Variants in DNAJB6 observed in about 807,000 individuals in gnomAD.
DNAJB6 encodes DnaJ heat shock protein family (Hsp40) member B6.
A neutral mutation model predicts 42.7 loss-of-function variants in DNAJB6; 16 were observed. The observed-to-expected ratio is 0.37, with a 90% CI of 0.25 to 0.57. The LOEUF (loss-of-function observed/expected upper bound fraction) is 0.57. Among genes scored for constraint, DNAJB6 ranks in the 20% least tolerant of loss-of-function variants. The pLI, the probability that DNAJB6 is intolerant of heterozygous loss-of-function variation, is 0.74. For missense variants in DNAJB6, 347 were observed against 416.8 expected, an observed-to-expected ratio of 0.83 and a Z score of 1.46; for synonymous variants, 170 against 163.5, an observed-to-expected ratio of 1.04 and a Z score of -0.30.
chr7:157,353,506 C>T lies in DNAJB6; in HGVS notation c.-26-5041C>T, dbSNP rs547156517. Among the ~76,000 whole-genome samples, 10 of 151,856 alleles carry T rather than the reference C, an allele frequency of 6.6e-5. No individual in the cohort carries two copies. In the South Asian group the frequency reaches 1.2e-3, roughly 19 times the overall value. The stretch of plus-strand genomic sequence containing the variant: ...AATGTCCTTTTCCTGTTCTAGAAAC[C>T]ATCCGAGGAACCCAGATTGTATTTA... On this transcript the variant is annotated intron_variant, in intron 1 of 9. Coordinates refer to ENST00000262177, the MANE Select transcript of DNAJB6 (RefSeq NM_058246.4).
In DNAJB6 at chr7:157,416,101, C is replaced by T. The variant is rs140445215; in HGVS notation, c.*3C>T. On this transcript the variant is annotated 3_prime_UTR_variant, in exon 10 of 10. Transcript: ENST00000262177. ...AGTCGACCAAAGGCAATCACTAGACCGGACTTGAGGCACGCGGTGCACCCC... is the reference window on the plus strand; with the variant it reads ...AGTCGACCAAAGGCAATCACTAGACTGGACTTGAGGCACGCGGTGCACCCC... 2.1e-4 allele frequency: 345 copies of T among 1,613,138 alleles called. No individual in the cohort carries two copies. In the Middle Eastern group the frequency reaches 2.6e-3, roughly 12 times the overall value.
chr7:157,371,993 A>C (rs1403154832), intron 5 of DNAJB6, among the ~76,000 whole-genome samples: 1 of 152,270 alleles, frequency 6.6e-6, no homozygotes, highest in Admixed American at 6.5e-5. Flanking sequence ...TGTGGTACGA[A>C]TGATGCTCTG....
At chr7:157,375,700 C>T (rs1340906756) in intron 5 of DNAJB6, among the ~76,000 whole-genome samples, 1 of 152,174 alleles carries the variant, frequency 6.6e-6, no homozygotes, top group Non-Finnish European at 1.5e-5. Context: ...TTCCAGATTC[C>T]TAACAGTTAG....
At chr7:157,410,393 C>A in intron 9 of DNAJB6, 1 of 374,562 alleles carries the variant, frequency 2.7e-6, no homozygotes, top group Non-Finnish European at 4.7e-6. Context: ...TTTGCCCCTG[C>A]CCCTCCGTCA....
intron 8 of DNAJB6, among the ~76,000 whole-genome samples, chr7:157,397,001 G>A (rs1275350413): frequency 6.6e-6 from 1 of 152,182 alleles, no homozygotes; most frequent in Non-Finnish European, 1.5e-5. Context: ...CTCACTCCAG[G>A]TCCTCCTGGA....
chr7:157,384,584 C>T (rs534445006), intron 6 of DNAJB6, among the ~76,000 whole-genome samples: 6 of 152,282 alleles, frequency 3.9e-5, no homozygotes, highest in South Asian at 4.1e-4. Context: ...TTTGGCATGT[C>T]AGAAAAGCTG....
At chr7:157,403,264 C>G (rs10273478) in intron 8 of DNAJB6, among the ~76,000 whole-genome samples, 40,046 of 152,000 alleles carry the variant, frequency 0.26, 5,520 homozygotes, top group South Asian at 0.43. Context: ...AGTGAGACAA[C>G]AGGGCAGAGG....
intron 8 of DNAJB6, among the ~76,000 whole-genome samples, chr7:157,386,914 C>T (rs1801091985): frequency 6.6e-6 from 1 of 151,596 alleles, no homozygotes; most frequent in Admixed American, 6.6e-5. Context: ...TTGGGACAGT[C>T]AAGGTCTTTT....
At chr7:157,403,720 T>A (rs970824348) in intron 8 of DNAJB6, among the ~76,000 whole-genome samples, 7 of 152,220 alleles carry the variant, frequency 4.6e-5, no homozygotes, top group African/African-American at 1.7e-4. Context: ...AGCTGAGTGA[T>A]TTTGGGGTCC....
chr7:157,395,776 C>T (rs1189451027), intron 8 of DNAJB6, among the ~76,000 whole-genome samples: 4 of 150,680 alleles, frequency 2.7e-5, no homozygotes, highest in African/African-American at 9.8e-5. Context: ...CCTCTGCCTC[C>T]CTAGTAGCTG....
At chr7:157,367,200 C>T (rs1799887085) in intron 4 of DNAJB6, among the ~76,000 whole-genome samples, 173 bp from the exon 5 acceptor site, 2 of 152,214 alleles carry the variant, frequency 1.3e-5, no homozygotes, top group Admixed American at 1.3e-4. Flanking sequence ...GCGCTGGGCA[C>T]ACTCACTCTC....
intron 1 of DNAJB6, among the ~76,000 whole-genome samples, chr7:157,354,157 AC>A (rs1377598131): frequency 6.6e-6 from 1 of 151,620 alleles, no homozygotes; most frequent in Non-Finnish European, 1.5e-5. Flanking sequence ...GTTTTTTTCG[AC>A]TTTTTTGAGA....
rs573383122 is a variant in DNAJB6 at position 157,337,017 on chromosome 7, G to C, written c.-154G>C. On this transcript the variant is annotated 5_prime_UTR_variant, in exon 1 of 10. Coordinates refer to ENST00000262177, the MANE Select transcript of DNAJB6 (RefSeq NM_058246.4). ...GTGACGCATTTCCTGTTTGTTGTTG[G>C]AGAAAGGAGAGAAAGGAAAGCGCGA... 6.6e-6 allele frequency: 1 copy of C among 150,806 alleles called. No individual in the cohort carries two copies. The highest frequency in any genetic ancestry group is 1.5e-5 in the Non-Finnish European group (1 of 67,040). The allele number at this position is 150,806 out of a possible 1,614,324, so 9.3% of individuals were successfully genotyped here. A position where few individuals can be genotyped will look rare whatever the true frequency, so the allele number is the denominator to read the frequency against.
chr7:157,357,166 A>C (rs1446781052), intron 1 of DNAJB6, among the ~76,000 whole-genome samples: 4 of 149,010 alleles, frequency 2.7e-5, no homozygotes, highest in Non-Finnish European at 4.5e-5. Context: ...AAAAACCAAG[A>C]GTTGAAGTTT....
intron 8 of DNAJB6, among the ~76,000 whole-genome samples, chr7:157,401,681 G>A (rs1462129428): frequency 6.6e-6 from 1 of 152,240 alleles, no homozygotes; most frequent in Non-Finnish European, 1.5e-5. Flanking sequence ...GTAAAAATGT[G>A]TCAAGGTGGG....
At chr7:157,343,157 A>G (rs1299483467) in intron 1 of DNAJB6, among the ~76,000 whole-genome samples, 1 of 102,332 alleles carries the variant, frequency 9.8e-6, no homozygotes, top group African/African-American at 4.9e-5. Flanking sequence ...CACCACACCC[A>G]GGTAATTTTT....
intron 5 of DNAJB6, chr7:157,368,459 C>G (rs897791891): frequency 1.3e-5 from 2 of 152,248 alleles, no homozygotes; most frequent in African/African-American, 4.8e-5. Context: ...AAAGGCACCT[C>G]TAGAGCAAGA....
chr7:157,337,835 C>T (rs1034893015), intron 1 of DNAJB6: 2 of 152,262 alleles, frequency 1.3e-5, no homozygotes, highest in Non-Finnish European at 2.9e-5. Context: ...GCAGTGTAAA[C>T]TGCAAATCAT....
At chr7:157,367,153 G>A (rs539368427) in intron 4 of DNAJB6, among the ~76,000 whole-genome samples, 10 of 152,354 alleles carry the variant, frequency 6.6e-5, no homozygotes, top group Middle Eastern at 3.4e-3. Flanking sequence ...GTGAAAAGTA[G>A]TGTCGAAGGG....
Sources: allele counts gnomAD v4.1 joint callset (sites outside exome capture counted in the v4.1 genomes callset), GRCh38; gene constraint gnomAD v4.1.1; transcripts MANE v1.5; gene names NCBI Gene and HGNC (gene_info 2026-07-23, HGNC 2026-07-21).